Variants in RNF213 observed in about 807,000 individuals in gnomAD.
The protein encoded by RNF213 is ring finger protein 213.
A neutral mutation model predicts 514.4 loss-of-function variants in RNF213; 341 were observed. The ratio of observed to expected loss-of-function variants is 0.66; its 90% CI spans 0.61 to 0.73. The LOEUF is 0.73. Ranked by LOEUF, RNF213 falls within the 30% of genes least tolerant of loss-of-function variation. RNF213 has a pLI of 0.00. For missense variants in RNF213, 5,767 were observed against 6,615.6 expected, an observed-to-expected ratio of 0.87 and a Z score of 4.45; for synonymous variants, 2,655 against 2,658.2, an observed-to-expected ratio of 1.00 and a Z score of 0.04.
chr17:80,346,567 G>A lies in RNF213; in HGVS notation c.8232G>A (p.Lys2744=), dbSNP rs1333450207. The A allele has an allele frequency of 1.2e-6, 2 of 1,613,398 alleles. No homozygotes were observed. Among genetic ancestry groups the A allele is most frequent in the East Asian group, 4.5e-5 (2 of 44,884 alleles). ...TACCTCTGAGGAAAACCATCGCCAA[G>A]AACTTGGCCTTGAAGGAGAACGTCT... ...DGVPLRKTIA[K]NLALKENVFM... Residue 2744 remains lysine (K), a synonymous_variant, in exon 29 of 68, where the codon AAG becomes AAA. Coordinates refer to ENST00000582970, the MANE Select transcript of RNF213 (RefSeq NM_001256071.3). This position sits in a 1 kb window ranked among gnomAD's most constrained non-coding sequence, Gnocchi z 8.1.
At position 80,369,847 on chromosome 17, in the gene RNF213, G is replaced by C. The variant is rs760402595; in HGVS notation, c.12405G>C (p.Leu4135=). The change falls in exon 46 of 68, where the codon CTG becomes CTC. Residue 4135 remains leucine, a synonymous_variant. Transcript: ENST00000582970. The stretch of plus-strand genomic sequence containing the variant: ...CTCCTGTCATCCGCTCAGTGATACT[G>C]AAACTGCTTTTGAAGTACAGGTAAG... The part of the protein sequence containing the change: ...DKTPVIRSVI[L]KLLLKYSFHD... 6.2e-7 allele frequency: 1 copy of C among 1,611,886 alleles called. No homozygotes were observed. Among genetic ancestry groups the C allele is most frequent in the African/African-American group, 1.3e-5 (1 of 74,906 alleles).
At chr17:80,323,858 G>A (rs996116631) in intron 17 of RNF213, among the ~76,000 whole-genome samples, 2 of 150,180 alleles carry the variant, frequency 1.3e-5, no homozygotes, top group African/African-American at 4.9e-5. Context: ...ATTGTAATTG[G>A]AATTGTTTTC....
At position 80,294,788 on chromosome 17, in the gene RNF213, A is replaced by G. The variant is rs1313600296; in HGVS notation, c.1540A>G (p.Ile514Val). 14 of 1,614,196 alleles carry G rather than the reference A, an allele frequency of 8.7e-6. No individual in the cohort carries two copies. The highest frequency in any genetic ancestry group is 1.1e-5 in the Non-Finnish European group (13 of 1,180,042). The change falls in exon 9 of 68, where the codon ATC (isoleucine) becomes GTC (valine). Residue 514 changes from isoleucine (I) to valine (V), a missense_variant. By Grantham distance (29) the Ile-to-Val change is conservative (BLOSUM62 3). Around this residue, in one of 13 missense-constraint regions of RNF213, gnomAD observed 592 missense variants for 673.9 expected, o/e 0.88. Coordinates refer to ENST00000582970, the MANE Select transcript of RNF213 (RefSeq NM_001256071.3). ...GAGACTCCAGAAAGTCATGAACCAC[A>G]TCACAGACGGGCCGAGGAAGGACCT... ...HGRLQKVMNHITDGPRKDLVK... is the reference protein window; with the variant it reads ...HGRLQKVMNHVTDGPRKDLVK...
At chr17:80,286,232 C>T (rs537869841) in intron 3 of RNF213, among the ~76,000 whole-genome samples, 5 of 123,716 alleles carry the variant, frequency 4.0e-5, no homozygotes, top group East Asian at 2.3e-4. Flanking sequence ...GCAGGCCGAG[C>T]GGGAGGCTGG....
Position 80,288,455 on chromosome 17 carries a change from G to A in RNF213, c.810+92G>A. On this transcript the variant is annotated intron_variant, in intron 4 of 67. Transcript: ENST00000582970. The surrounding 1 kb of genome is among the most constrained non-coding windows in gnomAD (Gnocchi z 4.9). Reference sequence around the variant, plus strand: ...GGTGCTGGCGTTGCTTCCCTGCCGGGGGGAGGGGCGTCCTCTGGGCCCTGC... The same window carrying A: ...GGTGCTGGCGTTGCTTCCCTGCCGGAGGGAGGGGCGTCCTCTGGGCCCTGC... 1.2e-5 allele frequency: 19 copies of A among 1,594,122 alleles called. No individual in the cohort carries two copies. The South Asian group carries it at 1.8e-4, about 15-fold the overall frequency.
chr17:80,393,556 C>T lies in RNF213; in HGVS notation c.*58C>T. Reference sequence around the variant, plus strand: ...GGAGAGAAGACTCCTCTCTCCTCGTCTGCGGCGTGGACTTGATCATGGACT... The same window carrying T: ...GGAGAGAAGACTCCTCTCTCCTCGTTTGCGGCGTGGACTTGATCATGGACT... On this transcript the variant is annotated 3_prime_UTR_variant, in exon 68 of 68. Coordinates refer to ENST00000582970, the MANE Select transcript of RNF213 (RefSeq NM_001256071.3). 2 of 1,580,552 alleles carry T rather than the reference C, an allele frequency of 1.3e-6. No homozygotes were observed.
intron 44 of RNF213, among the ~76,000 whole-genome samples, chr17:80,368,426 C>T (rs189778000): frequency 1.9e-3 from 260 of 140,470 alleles, no homozygotes; most frequent in Non-Finnish European, 3.0e-3. Context: ...GGAATGTAGA[C>T]GCCAGTGTTT....
Position 80,346,635 on chromosome 17 carries a change from T to A in RNF213, c.8300T>A (p.Leu2767Gln). The A allele has an allele frequency of 6.2e-7, 1 of 1,612,728 alleles. No individual in the cohort carries two copies. The highest frequency in any genetic ancestry group is 8.5e-7 in the Non-Finnish European group (1 of 1,180,012). Reference sequence around the variant, plus strand: ...ATCGAGCTGAAGATTCCCCTCTTCCTGGTGGGGAAGCCCGGCAGCTCCAAG... The same window carrying A: ...ATCGAGCTGAAGATTCCCCTCTTCCAGGTGGGGAAGCCCGGCAGCTCCAAG... ...VCIELKIPLF[L>Q]VGKPGSSKSL... Residue 2767 changes from leucine (L) to glutamine (Q), a missense_variant, in exon 29 of 68, where the codon CTG (leucine) becomes CAG (glutamine). Leu to Gln is a moderately radical substitution (Grantham distance 113). Transcript: ENST00000582970. This position sits in a 1 kb window ranked among gnomAD's most constrained non-coding sequence, Gnocchi z 8.1.
In RNF213 at chr17:80,313,012, G is replaced by A. The variant is rs368514350; in HGVS notation, c.2656G>A (p.Asp886Asn). ...GACCCTCCCTCTTGTGTGACAACAG[G>A]ATTCTGCAGGACAGAGAGATGAAAC... ...CRMIRLLSLV[D>N]SAGQRDETGN... Residue 886 changes from aspartate to asparagine, a missense_variant and splice_region_variant, in exon 15 of 68, where the codon GAT becomes AAT. By Grantham distance (23) the Asp-to-Asn change is conservative. This residue lies in a region of RNF213 where 592 missense variants were observed against 673.9 expected (regional missense o/e 0.88). Transcript: ENST00000582970. 7 of 1,613,716 alleles carry A rather than the reference G, an allele frequency of 4.3e-6. No homozygotes were observed. In the African/African-American group the frequency reaches 9.3e-5, roughly 22 times the overall value.
chr17:80,375,880 C>CTT lies in RNF213; in HGVS notation c.13185+10_13185+11insTT. 1 of 1,545,016 alleles carries CTT rather than the reference C, an allele frequency of 6.5e-7. No individual in the cohort carries two copies. Among genetic ancestry groups the CTT allele is most frequent in the Non-Finnish European group, 9.0e-7 (1 of 1,117,056 alleles). On this transcript the variant is annotated intron_variant, in intron 51 of 67. Transcript: ENST00000582970. The stretch of plus-strand genomic sequence containing the variant: ...CCACCCCACGCCAGAGGTGAGTAAC[C>CTT]GCCTGCAGGGCTGTGTTCAAAGTCT...
chr17:80,269,771 C>G (rs768003239), intron 2 of RNF213, among the ~76,000 whole-genome samples: 4 of 152,178 alleles, frequency 2.6e-5, no homozygotes, highest in Non-Finnish European at 5.9e-5. Context: ...TCCGTCCATC[C>G]ATCCATGTAT....
rs761959065 is a variant in RNF213, at chr17:80,393,428, T to G, written c.15554T>G (p.Ile5185Arg). The G allele has an allele frequency of 6.2e-7, 1 of 1,614,144 alleles. No homozygotes were observed. The highest frequency in any genetic ancestry group is 2.2e-5 in the East Asian group (1 of 44,896). Residue 5185 changes from isoleucine (I) to arginine (R), a missense_variant, in exon 68 of 68, where the codon ATA becomes AGA. Physicochemically the swap from Ile to Arg is moderately conservative, Grantham distance 97 (BLOSUM62 -3). This residue lies in a region of RNF213 where 1,245 missense variants were observed against 1,339.0 expected (regional missense o/e 0.93). Transcript: ENST00000582970. Reference sequence around the variant, plus strand: ...ATGGCATCTCAGTTCCCAGAAGAGATACTGCTCGCCAGCTGTGTCTCAGTG... The same window carrying G: ...ATGGCATCTCAGTTCCCAGAAGAGAGACTGCTCGCCAGCTGTGTCTCAGTG... The part of the protein sequence containing the change: ...PEMASQFPEE[I>R]LLASCVSVWK...
chr17:80,384,551 TGAG>T (rs2080157372), intron 59 of RNF213, among the ~76,000 whole-genome samples: 1 of 152,226 alleles, frequency 6.6e-6, no homozygotes, highest in Non-Finnish European at 1.5e-5. Context: ...GTTGGTCAGT[TGAG>T]GAGTATGAGT....
chr17:80,318,828 C>G (rs1248076842), intron 16 of RNF213, among the ~76,000 whole-genome samples: 2 of 152,218 alleles, frequency 1.3e-5, no homozygotes, highest in East Asian at 3.9e-4. Context: ...CCGCCTCAGC[C>G]TCCCAAAGTG....
rs1222279690 is a variant in RNF213, at chr17:80,346,453, C to T, written c.8118C>T (p.Ala2706=). Residue 2706 remains alanine (A), a synonymous_variant, in exon 29 of 68, where the codon GCC becomes GCT. Coordinates refer to ENST00000582970, the MANE Select transcript of RNF213 (RefSeq NM_001256071.3). The surrounding 1 kb of genome is among the most constrained non-coding windows in gnomAD (Gnocchi z 8.1). ...AAAAGAAAGACTCATATCGGAAAGC[C>T]ATCGCCAGGTTCTTTCCGAAACCGT... ...SLEKKDSYRK[A]IARFFPKPYD... 6.2e-7 allele frequency: 1 copy of T among 1,613,796 alleles called. No individual in the cohort carries two copies.
chr17:80,390,188 T>G lies in RNF213; in HGVS notation c.15462T>G (p.Pro5154=). The part of the protein sequence containing the change: ...PQTQTEERFR[P]QWSLRDTLVS... Reference sequence around the variant, plus strand: ...CCCAAACCGAGGAGCGCTTCCGCCCTCAGTGGAGGTATGGATTTGCACACC... The same window carrying G: ...CCCAAACCGAGGAGCGCTTCCGCCCGCAGTGGAGGTATGGATTTGCACACC... The change falls in exon 67 of 68, where the codon CCT becomes CCG. Residue 5154 remains proline, a synonymous_variant. Transcript: ENST00000582970. 6.2e-7 allele frequency: 1 copy of G among 1,614,008 alleles called. No individual in the cohort carries two copies. Among genetic ancestry groups the G allele is most frequent in the Non-Finnish European group, 8.5e-7 (1 of 1,180,000 alleles).
Position 80,364,034 on chromosome 17 carries a change from G to A in RNF213, c.11750+244G>A, listed in dbSNP as rs570834855. On this transcript the variant is annotated intron_variant, in intron 41 of 67. Transcript: ENST00000582970. ...GCACTGTGTACTGGGGCCGTAGAAA[G>A]GCAGACGGGCTATTGTGATGCCGTG... Among the ~76,000 whole-genome samples the A allele has an allele frequency of 2.9e-4, 44 of 152,334 alleles. No homozygotes were observed. The South Asian group carries it at 8.3e-3, about 29-fold the overall frequency.
At position 80,377,096 on chromosome 17, in the gene RNF213, G is replaced by A. The variant is rs937006603; in HGVS notation, c.13510+133G>A. ...GGTCCAAAACCACCTGCATTCTACC[G>A]GTGGCGTCTGCAGAAGACGAATGGC... On this transcript the variant is annotated intron_variant, in intron 53 of 67. Transcript: ENST00000582970. The surrounding 1 kb of genome is among the most constrained non-coding windows in gnomAD (Gnocchi z 4.1). 48 of 705,616 alleles carry A rather than the reference G, an allele frequency of 6.8e-5. No homozygotes were observed. The highest frequency in any genetic ancestry group is 4.3e-4 in the East Asian group (16 of 36,936). The allele number at this position is 705,616 out of a possible 1,614,324, so 43.7% of individuals were successfully genotyped here.
intron 63 of RNF213, 139 bp downstream of exon 63, chr17:80,387,030 C>A: frequency 1.2e-6 from 1 of 837,856 alleles, no homozygotes; most frequent in East Asian, 2.7e-5. Flanking sequence ...CCTGCAGCTC[C>A]CGAGGCCACC....
Sources: gnomAD v4.1 joint callset for allele counts (sites outside exome capture counted in the v4.1 genomes callset) on GRCh38, gnomAD v4.1.1 for gene constraint, gnomAD v4.1.1 regional missense constraint, Gnocchi (gnomAD v3.1) non-coding constraint, MANE v1.5 for transcripts, NCBI Gene and HGNC (gene_info 2026-07-23, HGNC 2026-07-21) for gene names.